The following KIAA1217 variants were observed in gnomAD, a reference collection of about 807,000 sequenced individuals.
KIAA1217 encodes KIAA1217, also known as sickle tail protein homolog.
A neutral mutation model predicts 163.9 loss-of-function variants in KIAA1217; 88 were observed. The ratio of observed to expected loss-of-function variants is 0.54; its 90% CI spans 0.45 to 0.64. KIAA1217 has a LOEUF of 0.64. Ranked by LOEUF, KIAA1217 falls within the 30% of genes least tolerant of loss-of-function variation. The pLI is 0.00. For missense variants in KIAA1217, 2,372 were observed against 2,475.0 expected (o/e 0.96, Z 0.88); for synonymous variants, 903 against 923.1 (o/e 0.98, Z 0.39).
chr10:24,414,127 G>T (rs2058037410), intron 3 of KIAA1217, among the ~76,000 whole-genome samples: 1 of 152,230 alleles, frequency 6.6e-6, no homozygotes, highest in Non-Finnish European at 1.5e-5. Flanking sequence ...TTCATCAACA[G>T]TTCTCTATTC....
chr10:23,824,658 A>ATTATATATATAT (rs1379535101), intron 1 of KIAA1217, among the ~76,000 whole-genome samples: 44 of 53,060 alleles, frequency 8.3e-4, no homozygotes, highest in African/African-American at 2.8e-3. Context: ...AAATAAAAAA[A>ATTATATATATAT]ATATATATAT....
intron 2 of KIAA1217, among the ~76,000 whole-genome samples, chr10:24,043,566 C>T (rs1406501618): frequency 1.3e-5 from 2 of 152,140 alleles, no homozygotes; most frequent in East Asian, 3.9e-4. Context: ...CAAAATGCTT[C>T]ATAAAAGGCA....
At position 24,543,274 on chromosome 10, in the gene KIAA1217, CAG is replaced by C; in HGVS notation, c.4006_4007del (p.Glu1336ArgfsTer23). 6.2e-7 allele frequency: 1 copy of C among 1,613,968 alleles called. No individual in the cohort carries two copies. The highest frequency in any genetic ancestry group is 8.5e-7 in the Non-Finnish European group (1 of 1,180,010). On this transcript the variant is annotated frameshift_variant, in exon 19 of 21. Coordinates refer to ENST00000376454, the MANE Select transcript of KIAA1217 (RefSeq NM_019590.5). LOFTEE classifies it high-confidence loss of function. The stretch of plus-strand genomic sequence containing the variant: ...GAATCAAGCGTGCATGATTTTAAAA[CAG>C]AAGATCAAGAGGTTATCACGACAGA...
At chr10:23,920,195 T>C (rs12263288) in intron 1 of KIAA1217, among the ~76,000 whole-genome samples, 67,460 of 151,966 alleles carry the variant, frequency 0.44, 18,899 homozygotes, top group African/African-American at 0.8. Context: ...TTTGTTTTTC[T>C]TGCCCAGCAC....
chr10:23,706,753 G>A (rs192307593), intron 1 of KIAA1217, among the ~76,000 whole-genome samples: 7 of 152,240 alleles, frequency 4.6e-5, no homozygotes, highest in Non-Finnish European at 1.0e-4. Flanking sequence ...CAGGATAAAA[G>A]TGACTTTCTC....
At chr10:23,802,211 A>C (rs1272260500) in intron 1 of KIAA1217, among the ~76,000 whole-genome samples, 4 of 152,146 alleles carry the variant, frequency 2.6e-5, no homozygotes. Flanking sequence ...CCTTTCATGA[A>C]AGTTGAGGAC....
chr10:23,853,069 A>G (rs1286450705), intron 1 of KIAA1217, among the ~76,000 whole-genome samples: 1 of 152,190 alleles, frequency 6.6e-6, no homozygotes, highest in Non-Finnish European at 1.5e-5. Flanking sequence ...GAGTGGTGAG[A>G]GAGGGCATCC....
chr10:23,977,295 C>A (rs1043849356), intron 1 of KIAA1217, among the ~76,000 whole-genome samples: 1 of 152,070 alleles, frequency 6.6e-6, no homozygotes, highest in South Asian at 2.1e-4. Context: ...AAATCTATAA[C>A]CTGAAGTTTC....
At chr10:24,277,866 C>G (rs1458870688) in intron 2 of KIAA1217, among the ~76,000 whole-genome samples, 1 of 152,240 alleles carries the variant, frequency 6.6e-6, no homozygotes, top group Non-Finnish European at 1.5e-5. Context: ...CTCTCTGACT[C>G]ACCCTCTGAC....
intron 1 of KIAA1217, among the ~76,000 whole-genome samples, chr10:23,777,985 C>T (rs1032455500): frequency 5.3e-5 from 8 of 151,572 alleles, no homozygotes; most frequent in African/African-American, 2.0e-4. Context: ...CTCTGTCACC[C>T]AGGCTGGAGT....
In KIAA1217 at chr10:23,771,518, A is replaced by G. The variant is rs181169633; in HGVS notation, c.-321+76284A>G. 5.9e-5 allele frequency among the ~76,000 whole-genome samples: 9 copies of G among 152,392 alleles called. No individual in the cohort carries two copies. The East Asian group carries it at 1.2e-3, about 20-fold the overall frequency. On this transcript the variant is annotated intron_variant, in intron 1 of 18. Coordinates refer to the KIAA1217 transcript ENST00000376462. ...TGCTATTTTGTGATGTTTATATTAG[A>G]TATAGTATCCCTGGCCACTGTACAA...
rs184073998 is a variant in KIAA1217, at chr10:23,847,997, G to T, written c.-321+152763G>T. ...GTACCCAGTGGTCATTCAGGGGCAG[G>T]TTGTTCAGTTTCCATGTAGTTGTGC... On this transcript the variant is annotated intron_variant, in intron 1 of 18. Coordinates refer to the KIAA1217 transcript ENST00000376462. 8.9e-4 allele frequency among the ~76,000 whole-genome samples: 135 copies of T among 152,236 alleles called. 1 individual carries two copies. The highest frequency in any genetic ancestry group is 3.4e-3 in the Middle Eastern group (1 of 294).
chr10:23,802,994 A>T (rs1836544922), intron 1 of KIAA1217, among the ~76,000 whole-genome samples: 1 of 152,180 alleles, frequency 6.6e-6, no homozygotes, highest in South Asian at 2.1e-4. Flanking sequence ...GGTAGGTGCT[A>T]TTATTATCAT....
At chr10:24,402,425 C>T (rs757969856) in intron 3 of KIAA1217, among the ~76,000 whole-genome samples, 11 of 150,778 alleles carry the variant, frequency 7.3e-5, no homozygotes, top group African/African-American at 2.5e-4. Flanking sequence ...AGTAGAATGG[C>T]GTGAACCCGG....
intron 1 of KIAA1217, among the ~76,000 whole-genome samples, chr10:23,817,819 G>A (rs188451486): frequency 2.4e-4 from 36 of 151,234 alleles, no homozygotes; most frequent in Non-Finnish European, 4.6e-4. Context: ...GCCAGATGTG[G>A]TGGCTCATAC....
chr10:24,035,095 G>A (rs1183098080), intron 2 of KIAA1217, among the ~76,000 whole-genome samples: 1 of 152,172 alleles, frequency 6.6e-6, no homozygotes, highest in Non-Finnish European at 1.5e-5. Context: ...GCAGATTCTA[G>A]GGCCAGACTG....
At chr10:24,528,597 A>T (rs1235099679) in intron 14 of KIAA1217, among the ~76,000 whole-genome samples, 1 of 152,148 alleles carries the variant, frequency 6.6e-6, no homozygotes, top group African/African-American at 2.4e-5. Flanking sequence ...CAGAGTAGCT[A>T]GAATTACAGG....
In KIAA1217 at chr10:23,992,022, A is replaced by G. The variant is rs1192586265; in HGVS notation, c.-320-15203A>G. 2.6e-5 allele frequency among the ~76,000 whole-genome samples: 4 copies of G among 152,130 alleles called. 1 individual carries two copies. The highest frequency in any genetic ancestry group is 3.9e-4 in the East Asian group (2 of 5,180). ...TCTTGCAATCCATTAATATTATGACATGATTACCTGGTTGCCCCCCAAAAC... is the reference window on the plus strand; with the variant it reads ...TCTTGCAATCCATTAATATTATGACGTGATTACCTGGTTGCCCCCCAAAAC... On this transcript the variant is annotated intron_variant, in intron 1 of 18. Transcript: ENST00000376462.
chr10:24,143,244 G>C (rs965657925), intron 2 of KIAA1217, among the ~76,000 whole-genome samples: 2 of 152,232 alleles, frequency 1.3e-5, no homozygotes, highest in South Asian at 4.1e-4. Context: ...CACTCAAGTT[G>C]TTATCCCCTC....
Sources: allele counts gnomAD v4.1 joint callset (sites outside exome capture counted in the v4.1 genomes callset), GRCh38; gene constraint gnomAD v4.1.1; transcripts MANE v1.5; gene names NCBI Gene and HGNC (gene_info 2026-07-23, HGNC 2026-07-21).